CCDC170: variants seen among roughly 807,000 people sequenced by gnomAD.
CCDC170 encodes the protein coiled-coil domain-containing protein 170.
Under a neutral mutation model 72.6 loss-of-function variants are expected in CCDC170, and 69 were observed. The observed-to-expected ratio is 0.95, with a 90% CI of 0.78 to 1.16. The LOEUF is 1.16. CCDC170 is among the 50% of genes most tolerant of loss of function. The pLI is 0.00. For synonymous variants in CCDC170, 300 were observed against 303.9 expected, an observed-to-expected ratio of 0.99 and a Z score of 0.13; for missense variants, 852 against 832.5, an observed-to-expected ratio of 1.02 and a Z score of -0.29.
intron 1 of CCDC170, among the ~76,000 whole-genome samples, chr6:151,494,854 CAAG>C (rs959626367): frequency 1.3e-5 from 2 of 152,162 alleles, no homozygotes; most frequent in African/African-American, 4.8e-5. Context: ...CTTGGGCGCA[CAAG>C]AAGATCTGGC....
rs185762271 is a variant in CCDC170 at position 151,600,225 on chromosome 6, C to A, written c.1710+3648C>A. On this transcript the variant is annotated intron_variant, in intron 9 of 10. Transcript: ENST00000239374. Reference sequence around the variant, plus strand: ...TGAAATCAATTTCCAAGACAGATTACCGGTATCAGCTATCCACCATTGTAC... The same window carrying A: ...TGAAATCAATTTCCAAGACAGATTAACGGTATCAGCTATCCACCATTGTAC... Among the ~76,000 whole-genome samples, 16 of 152,224 alleles carry A rather than the reference C, an allele frequency of 1.1e-4. No individual in the cohort carries two copies. The East Asian group carries it at 3.1e-3, about 29-fold the overall frequency.
intron 6 of CCDC170, among the ~76,000 whole-genome samples, chr6:151,584,619 C>A (rs1776426632): frequency 6.6e-6 from 1 of 152,026 alleles, no homozygotes; most frequent in South Asian, 2.1e-4. Flanking sequence ...CCTGTTTATA[C>A]TTTTTGTGGT....
chr6:151,541,850 A>C (rs1782695087), intron 3 of CCDC170, among the ~76,000 whole-genome samples: 1 of 142,998 alleles, frequency 7.0e-6, no homozygotes, highest in African/African-American at 2.6e-5. Flanking sequence ...AGTATATATA[A>C]AAAATATAAA....
intron 6 of CCDC170, among the ~76,000 whole-genome samples, chr6:151,583,789 C>T (rs899061169): frequency 1.1e-4 from 16 of 152,086 alleles, no homozygotes; most frequent in Non-Finnish European, 2.4e-4. Context: ...AACTTAGAGG[C>T]CATTGTAAGG....
chr6:151,608,876 G>C (rs1198247830), intron 9 of CCDC170, among the ~76,000 whole-genome samples: 2 of 152,212 alleles, frequency 1.3e-5, no homozygotes. Flanking sequence ...TGGACTCCAG[G>C]CAGCTCATTA....
chr6:151,555,618 G>A (rs1402913445), intron 5 of CCDC170, among the ~76,000 whole-genome samples: 1 of 152,158 alleles, frequency 6.6e-6, no homozygotes, highest in African/African-American at 2.4e-5. Flanking sequence ...ACTGTATAAG[G>A]AGGTCCGTCT....
intron 6 of CCDC170, among the ~76,000 whole-genome samples, chr6:151,581,416 C>T (rs1776377584): frequency 6.6e-6 from 1 of 152,172 alleles, no homozygotes; most frequent in Admixed American, 6.5e-5. Flanking sequence ...ACTCTTCATC[C>T]ATTCAAGTTT....
At position 151,618,960 on chromosome 6, in the gene CCDC170, C is replaced by T. The variant is rs979112316; in HGVS notation, c.*813C>T. On this transcript the variant is annotated 3_prime_UTR_variant, in exon 11 of 11. Coordinates refer to ENST00000239374, the MANE Select transcript of CCDC170 (RefSeq NM_025059.4). ...AGGCGGCAGTGAGCCAAGATTGTGC[C>T]ACTGCACTCCAGCCTGGGCGACAGA... 3 of 133,304 alleles carry T rather than the reference C, an allele frequency of 2.3e-5. No homozygotes were observed. Among genetic ancestry groups the T allele is most frequent in the African/African-American group, 8.3e-5 (3 of 36,058 alleles). The allele number at this position is 133,304 out of a possible 1,614,324, so 8.3% of individuals were successfully genotyped here. A position where few individuals can be genotyped will look rare whatever the true frequency, so the allele number is the denominator to read the frequency against.
rs1777007917 is a variant in CCDC170, at chr6:151,618,597, T to C, written c.*450T>C. On this transcript the variant is annotated 3_prime_UTR_variant, in exon 11 of 11. Coordinates refer to ENST00000239374, the MANE Select transcript of CCDC170 (RefSeq NM_025059.4). ...TGGTGGGACCAGGATGGACAACTCA[T>C]TGGCCCTGCCTCAAAAGCCATACCT... 6.0e-6 allele frequency: 1 copy of C among 166,634 alleles called. No individual in the cohort carries two copies. Among genetic ancestry groups the C allele is most frequent in the African/African-American group, 2.4e-5 (1 of 41,592 alleles). The allele number at this position is 166,634 out of a possible 1,614,324, so 10.3% of individuals were successfully genotyped here.
At chr6:151,592,152 G>A (rs1214589966) in intron 7 of CCDC170, among the ~76,000 whole-genome samples, 1 of 152,076 alleles carries the variant, frequency 6.6e-6, no homozygotes, top group Admixed American at 6.5e-5. Context: ...GAGGTCAGGA[G>A]TTTGAGACCA....
chr6:151,500,889 A>T (rs1781984535), intron 1 of CCDC170, among the ~76,000 whole-genome samples: 1 of 152,130 alleles, frequency 6.6e-6, no homozygotes, highest in South Asian at 2.1e-4. Context: ...CCAGACAAAA[A>T]TTTGGTAAGA....
intron 1 of CCDC170, among the ~76,000 whole-genome samples, chr6:151,508,872 G>C (rs1023673843): frequency 6.6e-6 from 1 of 151,948 alleles, no homozygotes; most frequent in Non-Finnish European, 1.5e-5. Flanking sequence ...AAAATTAGCC[G>C]GGCGTGGTGG....
rs1049113931 is a variant in CCDC170, at chr6:151,618,466, G to A, written c.*319G>A. 26 of 294,708 alleles carry A rather than the reference G, an allele frequency of 8.8e-5. No individual in the cohort carries two copies. The highest frequency in any genetic ancestry group is 1.3e-4 in the Non-Finnish European group (21 of 156,254). The allele number at this position is 294,708 out of a possible 1,614,324, so 18.3% of individuals were successfully genotyped here. A position where few individuals can be genotyped will look rare whatever the true frequency, so the allele number is the denominator to read the frequency against. On this transcript the variant is annotated 3_prime_UTR_variant, in exon 11 of 11. Transcript: ENST00000239374. ...TTTTAAGTCAGGGGCTTTACTAGCC[G>A]ATTTAGTTCTCACAATAACCATGTG...
intron 6 of CCDC170, among the ~76,000 whole-genome samples, chr6:151,584,356 G>A (rs530033716): frequency 3.2e-4 from 48 of 151,812 alleles, no homozygotes; most frequent in Non-Finnish European, 5.6e-4. Flanking sequence ...GACCTCACAG[G>A]GAAGAGTTTT....
chr6:151,551,126 A>G (rs1782871862), intron 5 of CCDC170, among the ~76,000 whole-genome samples: 1 of 152,152 alleles, frequency 6.6e-6, no homozygotes, highest in South Asian at 2.1e-4. Flanking sequence ...CCCACCCACC[A>G]TCCACCCAGA....
chr6:151,605,006 G>T (rs1371274270), intron 9 of CCDC170, among the ~76,000 whole-genome samples: 1 of 152,100 alleles, frequency 6.6e-6, no homozygotes, highest in African/African-American at 2.4e-5. Flanking sequence ...CTTCTATCCA[G>T]CTGTAATTCT....
chr6:151,591,329 T>G (rs1428273086), intron 7 of CCDC170, among the ~76,000 whole-genome samples: 2 of 152,132 alleles, frequency 1.3e-5, no homozygotes, highest in Non-Finnish European at 2.9e-5. Flanking sequence ...CAGCAAGCAC[T>G]TAGTAAGCAT....
At chr6:151,615,399 A>G (rs1562300988) in intron 9 of CCDC170, 44 bp from the exon 10 acceptor site, 9 of 1,341,932 alleles carry the variant, frequency 6.7e-6, no homozygotes, top group Non-Finnish European at 9.6e-6. Context: ...CAGTTTTCCT[A>G]ACTAAATACA....
chr6:151,607,387 G>A (rs530539333), intron 9 of CCDC170, among the ~76,000 whole-genome samples: 9 of 151,618 alleles, frequency 5.9e-5, no homozygotes, highest in Non-Finnish European at 8.8e-5. Context: ...GTTTATCTTC[G>A]CAGTTTGCAG....
Sources: allele counts gnomAD v4.1 joint callset (sites outside exome capture counted in the v4.1 genomes callset), GRCh38; gene constraint gnomAD v4.1.1; transcripts MANE v1.5; gene names NCBI Gene and HGNC (gene_info 2026-07-23, HGNC 2026-07-21).